DMD: variants seen among roughly 807,000 people sequenced by gnomAD.
The protein encoded by DMD is mutant dystrophin.
DMD carries 63 observed loss-of-function variants against 330.1 expected under a neutral mutation model. That is an observed-to-expected ratio of 0.19 (90% confidence interval 0.16 to 0.24). DMD has a LOEUF of 0.24. Among genes scored for constraint, DMD ranks in the 10% least tolerant of loss-of-function variants. The pLI is 1.00. For synonymous variants in DMD, 1,223 were observed against 959.8 expected, an observed-to-expected ratio of 1.27 and a Z score of -5.07; for missense variants, 3,344 against 2,684.1, an observed-to-expected ratio of 1.25 and a Z score of -5.43.
chrX:33,118,184 C>T (rs1473888917), intron 1 of DMD, among the ~76,000 whole-genome samples: 1 of 103,871 alleles, frequency 9.6e-6, no homozygotes, highest in African/African-American at 3.5e-5. Flanking sequence ...GATCTCGGCT[C>T]ACTGCAAGCT....
chrX:32,938,844 T>C (rs1396089530), intron 2 of DMD, among the ~76,000 whole-genome samples: 1 of 110,900 alleles, frequency 9.0e-6, no homozygotes, highest in South Asian at 3.8e-4. Context: ...GAGCAATAAA[T>C]TATAGGAAAA....
At chrX:32,294,988 G>A (rs1042828902) in intron 42 of DMD, among the ~76,000 whole-genome samples, 20 of 111,361 alleles carry the variant, frequency 1.8e-4, no homozygotes, top group Non-Finnish European at 2.8e-4. Context: ...ATAGAATATA[G>A]CATTTCTATT....
intron 60 of DMD, among the ~76,000 whole-genome samples, chrX:31,371,189 T>C (rs757835364): frequency 2.7e-5 from 3 of 111,107 alleles, no homozygotes; most frequent in African/African-American, 9.8e-5. Flanking sequence ...AAAAGGTATG[T>C]GGAGTCCGTG....
intron 1 of DMD, among the ~76,000 whole-genome samples, chrX:33,041,061 C>G (rs1338767828): frequency 8.9e-6 from 1 of 112,518 alleles, no homozygotes. Flanking sequence ...AAGCAATAAT[C>G]AACTCAAAAT....
intron 2 of DMD, among the ~76,000 whole-genome samples, chrX:32,928,656 A>G (rs905341778): frequency 8.9e-6 from 1 of 112,010 alleles, no homozygotes; most frequent in Non-Finnish European, 1.9e-5. Context: ...GTATTATCTT[A>G]TTCAGAGTAA....
chrX:32,273,641 C>G, intron 43 of DMD, among the ~76,000 whole-genome samples: 1 of 110,920 alleles, frequency 9.0e-6, no homozygotes, highest in Non-Finnish European at 1.9e-5. Flanking sequence ...AACATGGCAG[C>G]TCCCACGAAA....
At chrX:32,413,967 C>T (rs1183111606) in intron 29 of DMD, among the ~76,000 whole-genome samples, 1 of 110,617 alleles carries the variant, frequency 9.0e-6, no homozygotes, top group Non-Finnish European at 1.9e-5. Flanking sequence ...ATGATCCACC[C>T]ACCTCGGCCT....
chrX:31,920,263 A>G (rs2094671022), intron 47 of DMD, among the ~76,000 whole-genome samples: 1 of 112,241 alleles, frequency 8.9e-6, no homozygotes, highest in Admixed American at 9.6e-5. Context: ...CTGATCTTTA[A>G]TAAAAATCAC....
chrX:32,946,705 AT>A (rs1001286488), intron 2 of DMD, among the ~76,000 whole-genome samples: 10 of 111,032 alleles, frequency 9.0e-5, no homozygotes, highest in Admixed American at 4.8e-4. Context: ...CTTCGTTGAC[AT>A]TTTTTTTCTT....
chrX:31,510,913 G>A (rs1341138059), intron 55 of DMD, among the ~76,000 whole-genome samples: 1 of 111,524 alleles, frequency 9.0e-6, no homozygotes, highest in Non-Finnish European at 1.9e-5. Flanking sequence ...TTTCCCTGTT[G>A]CCAGAACAGA....
chrX:31,398,745 T>C (rs1468420233), intron 60 of DMD, among the ~76,000 whole-genome samples: 1 of 112,361 alleles, frequency 8.9e-6, no homozygotes, highest in Admixed American at 9.4e-5. Flanking sequence ...CTCAAACTTC[T>C]GGGTTCAAGA....
chrX:31,141,237 AACCAGAATGAT>A (rs954000347), intron 76 of DMD, among the ~76,000 whole-genome samples: 3 of 105,949 alleles, frequency 2.8e-5, no homozygotes, highest in African/African-American at 1.1e-4. Context: ...ACAACAACAA[AACCAGAATGAT>A]ATAATGCATG....
chrX:31,697,731 T>G (rs2148847389), intron 52 of DMD, among the ~76,000 whole-genome samples: 1 of 112,418 alleles, frequency 8.9e-6, no homozygotes, highest in African/African-American at 3.2e-5. Context: ...TGATTACCTT[T>G]TGAATACACA....
intron 51 of DMD, among the ~76,000 whole-genome samples, chrX:31,745,022 C>T (rs1181778030): frequency 2.7e-5 from 3 of 111,458 alleles, no homozygotes; most frequent in South Asian, 7.5e-4. Context: ...AAATGACAAA[C>T]GTAATAGTCT....
At chrX:32,768,801 A>G (rs1237096536) in intron 7 of DMD, among the ~76,000 whole-genome samples, 1 of 112,156 alleles carries the variant, frequency 8.9e-6, no homozygotes, top group East Asian at 2.8e-4. Flanking sequence ...TATGGCAGAG[A>G]CAGGCTGTCA....
At chrX:32,796,482 G>C (rs1244141739) in intron 7 of DMD, among the ~76,000 whole-genome samples, 1 of 111,306 alleles carries the variant, frequency 9.0e-6, no homozygotes, top group Non-Finnish European at 1.9e-5. Flanking sequence ...ATATAAAAAG[G>C]GGTTATTTAA....
intron 44 of DMD, among the ~76,000 whole-genome samples, chrX:32,130,021 T>C (rs1180187563): frequency 9.1e-6 from 1 of 109,575 alleles, no homozygotes; most frequent in Non-Finnish European, 1.9e-5. Context: ...TAAGTCTTTT[T>C]AAGCTGGCTT....
intron 50 of DMD, among the ~76,000 whole-genome samples, chrX:31,812,372 A>T (rs2092483686): frequency 1.1e-5 from 1 of 90,769 alleles, no homozygotes; most frequent in African/African-American, 4.2e-5. Context: ...AACAATGAGA[A>T]CACATGGTCA....
intron 60 of DMD, among the ~76,000 whole-genome samples, chrX:31,413,626 C>T (rs1307479495): frequency 2.7e-5 from 3 of 112,207 alleles, no homozygotes; most frequent in African/African-American, 9.7e-5. Flanking sequence ...TGAAGTAGAA[C>T]TGAATTCACT....
Sources: allele counts gnomAD v4.1 joint callset (sites outside exome capture counted in the v4.1 genomes callset), GRCh38; gene constraint gnomAD v4.1.1; transcripts MANE v1.5; gene names NCBI Gene and HGNC (gene_info 2026-07-23, HGNC 2026-07-21).